KLC1: variants seen among roughly 807,000 people sequenced by gnomAD.
KLC1 encodes kinesin 2 60/70kDa.
In KLC1, 30 loss-of-function variants were observed where a neutral mutation model predicts 84.2. That is an observed-to-expected ratio of 0.36 (90% confidence interval 0.27 to 0.48). The LOEUF (loss-of-function observed/expected upper bound fraction) is 0.48, where lower values mean the gene tolerates loss of function less well. KLC1 is among the 20% of genes least tolerant of loss of function. The probability of loss-of-function intolerance (pLI) is 0.99; values close to 1 mark genes in which losing one functional copy is unlikely to be tolerated. For synonymous variants in KLC1, 289 were observed against 293.3 expected (o/e 0.99, Z 0.15); for missense variants, 499 against 805.4 (o/e 0.62, Z 4.60).
Position 103,673,103 on chromosome 14 carries a change from A to G in KLC1, c.1077A>G (p.Glu359=). 7 of 1,610,930 alleles carry G rather than the reference A, an allele frequency of 4.3e-6. No individual in the cohort carries two copies. Among genetic ancestry groups the G allele is most frequent in the Non-Finnish European group, 5.9e-6 (7 of 1,179,082 alleles). The change falls in exon 8 of 17, where the codon GAA becomes GAG. Residue 359 remains glutamate, a synonymous_variant. Transcript: ENST00000334553. ...CQNQGKYEEV[E]YYYQRALEIY... ...ACCAGGGCAAGTATGAAGAAGTAGA[A>G]TATTATTATCAAAGAGCCCTCGAGA...
intron 15 of KLC1, chr14:103,696,226 G>A (rs2082500236): frequency 6.1e-6 from 6 of 985,068 alleles, no homozygotes; most frequent in Admixed American, 6.2e-5. Flanking sequence ...GCAGAAATCA[G>A]GCCCCTGGGG....
At chr14:103,652,706 TG>T (rs1293563228) in intron 1 of KLC1, among the ~76,000 whole-genome samples, 5 of 152,174 alleles carry the variant, frequency 3.3e-5, no homozygotes, top group African/African-American at 1.2e-4. Flanking sequence ...TTGGCCAGGC[TG>T]GTCTCGAACT....
At chr14:103,656,197 G>T (rs1406118624) in intron 2 of KLC1, among the ~76,000 whole-genome samples, 1 of 152,154 alleles carries the variant, frequency 6.6e-6, no homozygotes. Context: ...GCATTGGCCA[G>T]ACCTTATGGC....
chr14:103,678,250 G>A (rs1449846808), intron 12 of KLC1, among the ~76,000 whole-genome samples: 3 of 152,214 alleles, frequency 2.0e-5, no homozygotes, highest in Admixed American at 6.5e-5. Context: ...GCAACAGAGC[G>A]AGACTCCGTC....
At chr14:103,659,952 G>C (rs746542775) in intron 3 of KLC1, among the ~76,000 whole-genome samples, 26 of 152,174 alleles carry the variant, frequency 1.7e-4, no homozygotes, top group Admixed American at 7.9e-4. Context: ...AAGCTCTCTG[G>C]TGTCTCTTTT....
intron 7 of KLC1, 104 bp downstream of exon 7, chr14:103,670,387 A>AG: frequency 1.4e-6 from 1 of 693,284 alleles, no homozygotes; most frequent in Non-Finnish European, 2.3e-6. Flanking sequence ...ACCGGGCTGG[A>AG]GTGCGGTGGC....
At chr14:103,663,032 A>G (rs1045258853) in intron 5 of KLC1, 105 bp downstream of exon 5, 1 of 696,524 alleles carries the variant, frequency 1.4e-6, no homozygotes, top group Non-Finnish European at 2.3e-6. Context: ...CTATTTTTCA[A>G]CCATATCCAC....
chr14:103,631,928 T>C (rs2076720520), intron 1 of KLC1, among the ~76,000 whole-genome samples: 1 of 152,090 alleles, frequency 6.6e-6, no homozygotes, highest in Non-Finnish European at 1.5e-5. Context: ...AGCAAAGAAA[T>C]GATCAGTAAT....
intron 3 of KLC1, 77 bp from the exon 4 acceptor site, chr14:103,662,039 T>C: frequency 2.2e-6 from 2 of 923,820 alleles, no homozygotes; most frequent in Non-Finnish European, 1.8e-6. Flanking sequence ...TTAAAATGTA[T>C]TTAATATTAA....
rs769030442 is a variant in KLC1 at position 103,677,426 on chromosome 14, C to A, written c.1391C>A (p.Thr464Lys). The A allele has an allele frequency of 7.5e-6, 12 of 1,610,038 alleles. No individual in the cohort carries two copies. The highest frequency in any genetic ancestry group is 2.7e-5 in the African/African-American group (2 of 74,822). The change falls in exon 12 of 17, where the codon ACA (threonine) becomes AAA (lysine). Residue 464 changes from threonine to lysine, a missense_variant. Transcript: ENST00000334553. The part of the protein sequence containing the change: ...KACKVDSPTV[T>K]TTLKNLGALY... ...GTGCTTTCTTACAGTCCAACTGTTA[C>A]AACCACTCTAAAAAACCTTGGGGCA... is the stretch of plus-strand genomic sequence containing the variant.
Position 103,666,264 on chromosome 14 carries a change from C to T in KLC1, c.798-3247C>T, listed in dbSNP as rs550387147. 9.0e-4 allele frequency among the ~76,000 whole-genome samples: 137 copies of T among 152,180 alleles called. 1 individual carries two copies. In the South Asian group the frequency reaches 9.1e-3, roughly 10 times the overall value. On this transcript the variant is annotated intron_variant, in intron 5 of 16. Coordinates refer to ENST00000334553, the MANE Select transcript of KLC1 (RefSeq NM_001394837.1). ...ATTTTTAGTAGAGACGGAGTTTCAC[C>T]ATGTTAGCCAGGATGGTCTTGATCT...
intron 15 of KLC1, chr14:103,699,639 C>G: frequency 6.5e-7 from 1 of 1,543,436 alleles, no homozygotes; most frequent in Non-Finnish European, 8.9e-7. Context: ...TGACCAGACC[C>G]CGTTTGGACT....
At chr14:103,677,944 G>A (rs1193537936) in intron 12 of KLC1, among the ~76,000 whole-genome samples, 1 of 150,828 alleles carries the variant, frequency 6.6e-6, no homozygotes, top group Non-Finnish European at 1.5e-5. Flanking sequence ...TCCAACCTGG[G>A]TGACAGAACG....
intron 1 of KLC1, among the ~76,000 whole-genome samples, chr14:103,639,158 C>G (rs115694881): frequency 0.016 from 2,471 of 152,156 alleles, 64 homozygotes; most frequent in African/African-American, 0.056. Flanking sequence ...TGGACAGATG[C>G]GAATTCTTCT....
In KLC1 at chr14:103,662,172, T is replaced by A. The variant is rs1353324394; in HGVS notation, c.549T>A (p.Asp183Glu). The A allele has an allele frequency of 1.9e-6, 3 of 1,613,714 alleles. No homozygotes were observed. Among genetic ancestry groups the A allele is most frequent in the Non-Finnish European group, 2.5e-6 (3 of 1,179,770 alleles). The change falls in exon 4 of 17, where the codon GAT becomes GAA. Residue 183 changes from aspartate to glutamate, a missense_variant. Coordinates refer to ENST00000334553, the MANE Select transcript of KLC1 (RefSeq NM_001394837.1). ...KEPLDDLFPN[D>E]EDDPGQGIQQ... The stretch of plus-strand genomic sequence containing the variant: ...CTCTGGATGACCTTTTCCCCAATGA[T>A]GAAGACGACCCAGGGCAAGGAAGTG...
chr14:103,698,969 G>T, intron 15 of KLC1: 1 of 1,599,234 alleles, frequency 6.3e-7, no homozygotes, highest in South Asian at 1.1e-5. Flanking sequence ...CCAGGAGCTG[G>T]TTAGCCCAGG....
intron 13 of KLC1, among the ~76,000 whole-genome samples, chr14:103,684,184 A>T (rs1469847915): frequency 6.6e-6 from 1 of 152,224 alleles, no homozygotes. Context: ...CTCAAATTAC[A>T]CTAGTAAGAC....
chr14:103,677,445 T>A lies in KLC1; in HGVS notation c.1410T>A (p.Leu470=). 6.2e-7 allele frequency: 1 copy of A among 1,613,784 alleles called. No individual in the cohort carries two copies. The highest frequency in any genetic ancestry group is 8.5e-7 in the Non-Finnish European group (1 of 1,179,720). Residue 470 remains leucine, a synonymous_variant, in exon 12 of 17, where the codon CTT becomes CTA. Transcript: ENST00000334553. ...SPTVTTTLKN[L]GALYRRQGKF... Reference sequence around the variant, plus strand: ...CTGTTACAACCACTCTAAAAAACCTTGGGGCACTTTACAGACGTCAAGGCA... The same window carrying A: ...CTGTTACAACCACTCTAAAAAACCTAGGGGCACTTTACAGACGTCAAGGCA...
chr14:103,687,380 T>C (rs895980744), intron 14 of KLC1, among the ~76,000 whole-genome samples, 169 bp downstream of exon 14: 1 of 152,124 alleles, frequency 6.6e-6, no homozygotes, highest in African/African-American at 2.4e-5. Flanking sequence ...TTTCCCAGGA[T>C]AGGTTGAGAA....
Sources: allele counts gnomAD v4.1 joint callset (sites outside exome capture counted in the v4.1 genomes callset), GRCh38; gene constraint gnomAD v4.1.1; transcripts MANE v1.5; gene names NCBI Gene and HGNC (gene_info 2026-07-23, HGNC 2026-07-21).